MAGI3: variants seen among roughly 807,000 people sequenced by gnomAD.
MAGI3 encodes membrane-associated guanylate kinase, WW and PDZ domain-containing protein 3.
A neutral mutation model predicts 121.8 loss-of-function variants in MAGI3; 43 were observed. The ratio of observed to expected loss-of-function variants is 0.35; its 90% CI spans 0.28 to 0.46. MAGI3 has a LOEUF of 0.46. Ranked by LOEUF, MAGI3 falls within the 20% of genes least tolerant of loss-of-function variation. The probability of loss-of-function intolerance (pLI) is 1.00; values close to 1 mark genes in which losing one functional copy is unlikely to be tolerated. For synonymous variants in MAGI3, 553 were observed against 639.3 expected (o/e 0.86, Z 2.04); for missense variants, 1,547 against 1,797.3 (o/e 0.86, Z 2.52).
At chr1:113,547,222 TGC>T (rs1277880767) in intron 1 of MAGI3, among the ~76,000 whole-genome samples, 1 of 152,178 alleles carries the variant, frequency 6.6e-6, no homozygotes, top group African/African-American at 2.4e-5. Context: ...TAGATTAAAA[TGC>T]AATCTGAGTT....
chr1:113,503,566 A>G (rs1007635730), intron 1 of MAGI3, among the ~76,000 whole-genome samples: 2 of 152,086 alleles, frequency 1.3e-5, no homozygotes, highest in Admixed American at 1.3e-4. Context: ...CATACATTAT[A>G]CAAGCATTAC....
At chr1:113,492,609 C>G (rs1260702542) in intron 1 of MAGI3, among the ~76,000 whole-genome samples, 1 of 152,178 alleles carries the variant, frequency 6.6e-6, no homozygotes, top group Non-Finnish European at 1.5e-5. Flanking sequence ...GTTAAATTAT[C>G]TCTTTTTGCA....
intron 1 of MAGI3, among the ~76,000 whole-genome samples, chr1:113,491,317 C>A (rs886218425): frequency 1.3e-5 from 2 of 152,118 alleles, no homozygotes; most frequent in Admixed American, 6.5e-5. Flanking sequence ...AAAAGAAGTT[C>A]TTTGAAACTA....
At chr1:113,407,730 G>A (rs539870957) in intron 1 of MAGI3, among the ~76,000 whole-genome samples, 22 of 152,154 alleles carry the variant, frequency 1.4e-4, no homozygotes, top group African/African-American at 5.3e-4. Context: ...TCTAGGATCA[G>A]CATGCAGGTT....
intron 1 of MAGI3, among the ~76,000 whole-genome samples, chr1:113,427,052 G>A (rs973021300): frequency 6.6e-6 from 1 of 152,038 alleles, no homozygotes; most frequent in African/African-American, 2.4e-5. Context: ...CAGTCACCCT[G>A]TTTAGGTTTA....
chr1:113,599,722 G>A (rs1649247152), intron 6 of MAGI3, among the ~76,000 whole-genome samples: 1 of 151,538 alleles, frequency 6.6e-6, no homozygotes, highest in Admixed American at 6.6e-5. Flanking sequence ...CTCATTTTAT[G>A]AGGCCAGCAT....
chr1:113,568,138 G>A (rs1660509369), intron 2 of MAGI3, among the ~76,000 whole-genome samples: 1 of 151,872 alleles, frequency 6.6e-6, no homozygotes, highest in Non-Finnish European at 1.5e-5. Context: ...AAACTTTGGG[G>A]GATAATGGTT....
intron 1 of MAGI3, among the ~76,000 whole-genome samples, chr1:113,519,967 C>G (rs1167950804): frequency 6.6e-6 from 1 of 152,192 alleles, no homozygotes; most frequent in African/African-American, 2.4e-5. Context: ...AGCATCTCAG[C>G]CCTGTTTTAT....
chr1:113,509,572 G>GACA (rs1161334610), intron 1 of MAGI3, among the ~76,000 whole-genome samples: 2 of 124,936 alleles, frequency 1.6e-5, no homozygotes, highest in African/African-American at 6.1e-5. Flanking sequence ...TACTGAGACC[G>GACA]ACAGGACAGC....
intron 1 of MAGI3, among the ~76,000 whole-genome samples, chr1:113,496,721 G>A (rs1334228485): frequency 6.6e-6 from 1 of 151,910 alleles, no homozygotes; most frequent in African/African-American, 2.4e-5. Flanking sequence ...TTAAATATTT[G>A]TGTTTATAGT....
intron 19 of MAGI3, among the ~76,000 whole-genome samples, chr1:113,674,514 A>G (rs563638246): frequency 6.5e-4 from 99 of 151,542 alleles, no homozygotes; most frequent in Non-Finnish European, 1.0e-4. Context: ...TCCCCCTACT[A>G]CTCAAAAGAA....
At chr1:113,538,178 T>C (rs1659093968) in intron 1 of MAGI3, among the ~76,000 whole-genome samples, 2 of 152,206 alleles carry the variant, frequency 1.3e-5, no homozygotes, top group East Asian at 3.8e-4. Context: ...CACTATGAAT[T>C]CTCTAATTAT....
At chr1:113,468,438 ACTTAT>A (rs1655392420) in intron 1 of MAGI3, among the ~76,000 whole-genome samples, 1 of 152,216 alleles carries the variant, frequency 6.6e-6, no homozygotes, top group African/African-American at 2.4e-5. Flanking sequence ...AGAGATGACA[ACTTAT>A]CTTAGATCAC....
intron 1 of MAGI3, among the ~76,000 whole-genome samples, chr1:113,474,321 G>A (rs1655696172): frequency 6.6e-6 from 1 of 152,170 alleles, no homozygotes; most frequent in Non-Finnish European, 1.5e-5. Flanking sequence ...TGATGTTTTA[G>A]TCATGAAGTC....
chr1:113,539,897 T>TC (rs1659202846), intron 1 of MAGI3, among the ~76,000 whole-genome samples: 3 of 151,874 alleles, frequency 2.0e-5, no homozygotes, highest in Admixed American at 2.0e-4. Context: ...TAGGTGATCC[T>TC]CCCTCTTCAA....
At chr1:113,395,357 T>G (rs1371151268) in intron 1 of MAGI3, among the ~76,000 whole-genome samples, 1 of 151,820 alleles carries the variant, frequency 6.6e-6, no homozygotes, top group African/African-American at 2.4e-5. Context: ...AACCTTGAAG[T>G]TGAAAATTTC....
At chr1:113,532,772 AATTTT>A (rs1372626378) in intron 1 of MAGI3, among the ~76,000 whole-genome samples, 1 of 152,190 alleles carries the variant, frequency 6.6e-6, no homozygotes. Context: ...TGGAAATGTT[AATTTT>A]AAGTGTATGT....
chr1:113,392,781 C>G (rs1156916571), intron 1 of MAGI3, among the ~76,000 whole-genome samples: 2 of 152,072 alleles, frequency 1.3e-5, no homozygotes, highest in Non-Finnish European at 2.9e-5. Context: ...TTTCTTAACT[C>G]TAACTTTTAC....
chr1:113,403,787 G>A (rs1217199181), intron 1 of MAGI3: 4 of 152,136 alleles, frequency 2.6e-5, no homozygotes, highest in African/African-American at 9.7e-5. Flanking sequence ...CTTAATGGTG[G>A]AATCAGATTT....
Sources: allele counts gnomAD v4.1 joint callset (sites outside exome capture counted in the v4.1 genomes callset), GRCh38; gene constraint gnomAD v4.1.1; transcripts MANE v1.5; gene names NCBI Gene and HGNC (gene_info 2026-07-23, HGNC 2026-07-21).